The following NAV1 variants were observed in gnomAD, a reference collection of about 807,000 sequenced individuals.
The protein encoded by NAV1 is neuron navigator 1.
NAV1 carries 18 observed loss-of-function variants against 175.2 expected under a neutral mutation model. The ratio of observed to expected loss-of-function variants is 0.10; its 90% CI spans 0.07 to 0.15. The LOEUF is 0.15. Ranked by LOEUF, NAV1 falls within the 10% of genes least tolerant of loss-of-function variation. The probability of loss-of-function intolerance (pLI) is 1.00; values close to 1 mark genes in which losing one functional copy is unlikely to be tolerated. For missense variants in NAV1, 1,731 were observed against 2,436.6 expected (o/e 0.71, Z 6.10); for synonymous variants, 897 against 978.7 (o/e 0.92, Z 1.56).
chr1:201,720,323 C>T (rs1672328924), intron 3 of NAV1, among the ~76,000 whole-genome samples: 1 of 152,198 alleles, frequency 6.6e-6, no homozygotes, highest in South Asian at 2.1e-4. Flanking sequence ...GAAAGTCCCC[C>T]ATGTGTTAGA....
At chr1:201,691,352 A>G (rs895794786) in intron 1 of NAV1, among the ~76,000 whole-genome samples, 1 of 152,262 alleles carries the variant, frequency 6.6e-6, no homozygotes, top group African/African-American at 2.4e-5. Context: ...GAAGGACCAG[A>G]GAAGCCTCCC....
rs773568218 is a variant in NAV1, at chr1:201,783,760, C to G, written c.2712C>G (p.Val904=). 5 of 1,614,048 alleles carry G rather than the reference C, an allele frequency of 3.1e-6. No individual in the cohort carries two copies. In the South Asian group the frequency reaches 5.5e-5, roughly 18 times the overall value. The change falls in exon 7 of 30, where the codon GTC becomes GTG. Residue 904 remains valine, a synonymous_variant. Transcript: ENST00000367296. ...GTGCCTTCCCCAGCAGTACTCCCGTCCCCACCCCACCTGCTCCCCCTGCTG... is the reference window on the plus strand; with the variant it reads ...GTGCCTTCCCCAGCAGTACTCCCGTGCCCACCCCACCTGCTCCCCCTGCTG...
intron 3 of NAV1, among the ~76,000 whole-genome samples, chr1:201,747,630 G>A (rs1005935213): frequency 2.0e-5 from 3 of 152,136 alleles, no homozygotes; most frequent in Non-Finnish European, 1.5e-5. Context: ...TGCTTGAGTG[G>A]TTAATCAGAT....
chr1:201,695,450 C>T (rs1671150449), intron 1 of NAV1, among the ~76,000 whole-genome samples: 1 of 152,214 alleles, frequency 6.6e-6, no homozygotes, highest in Non-Finnish European at 1.5e-5. Flanking sequence ...AACTCCAACA[C>T]ATTTGACCAG....
intron 1 of NAV1, among the ~76,000 whole-genome samples, chr1:201,549,127 CTTTCT>C (rs1665764454): frequency 1.4e-5 from 2 of 144,556 alleles, no homozygotes; most frequent in Admixed American, 7.0e-5. Flanking sequence ...TTCTTTCTTT[CTTTCT>C]TTCTTTCTTT....
chr1:201,572,719 A>G (rs1353440498), intron 1 of NAV1, among the ~76,000 whole-genome samples: 1 of 152,116 alleles, frequency 6.6e-6, no homozygotes, highest in Non-Finnish European at 1.5e-5. Flanking sequence ...GGGGATAGGA[A>G]TGACTGTCTT....
rs928303928 is a variant in NAV1, at chr1:201,665,862, TA to T, written c.757+16447del. 2.4e-4 allele frequency among the ~76,000 whole-genome samples: 35 copies of T among 146,424 alleles called. 1 individual carries two copies. Among genetic ancestry groups the T allele is most frequent in the South Asian group, 6.6e-4 (3 of 4,554 alleles). On this transcript the variant is annotated intron_variant, in intron 1 of 29. Transcript: ENST00000367296. ...ATCTCTCAATTATCTGTGCTAGTGT[TA>T]AAAAAAAAAGCCATTCCATCTGCCT...
Position 201,823,363 on chromosome 1 carries a change from CGTGT to C in NAV1, c.*3458_*3461del, listed in dbSNP as rs4025040. The stretch of plus-strand genomic sequence containing the variant: ...AGGCTAATGTGGGACCTGATGTCTG[CGTGT>C]GTGTGTGTGTGTGTGTGTGTGTGTG... On this transcript the variant is annotated 3_prime_UTR_variant, in exon 30 of 30. Coordinates refer to ENST00000367296, the Ensembl canonical transcript of NAV1. 9.8e-3 allele frequency: 1,128 copies of C among 115,092 alleles called. 10 individuals carry two copies. Among genetic ancestry groups the C allele is most frequent in the African/African-American group, 0.028 (1,037 of 36,752 alleles). 7.1% of individuals were successfully genotyped at this position (115,092 alleles called of 1,614,324 possible).
chr1:201,793,769 A>G (rs753508956), intron 13 of NAV1, 23 bp from the exon 18 acceptor site: 9 of 1,609,830 alleles, frequency 5.6e-6, no homozygotes, highest in South Asian at 5.6e-5. Flanking sequence ...CAACTTAGCA[A>G]TCTCTTTCTG....
chr1:201,741,416 G>A (rs1196600435), intron 3 of NAV1, among the ~76,000 whole-genome samples: 1 of 152,174 alleles, frequency 6.6e-6, no homozygotes, highest in Non-Finnish European at 1.5e-5. Flanking sequence ...ACCAGTTTAT[G>A]AGCAGAGAAT....
rs542495725 is a variant in NAV1 at position 201,769,152 on chromosome 1, A to T, written c.1227-11269A>T. ...AATTTGAGTATCAGGGGCAAATGTC[A>T]TGAGATATCGCTGGCTGCAGAACCA... On this transcript the variant is annotated intron_variant, in intron 3 of 29. Transcript: ENST00000367296. 8.5e-5 allele frequency among the ~76,000 whole-genome samples: 13 copies of T among 152,356 alleles called. No individual in the cohort carries two copies. The South Asian group carries it at 2.7e-3, about 32-fold the overall frequency.
chr1:201,597,208 C>T (rs1440052807), intron 2 of NAV1, among the ~76,000 whole-genome samples: 2 of 152,134 alleles, frequency 1.3e-5, no homozygotes, highest in South Asian at 2.1e-4. Context: ...ACTGAGGAAG[C>T]GATCTTGTGA....
intron 3 of NAV1, among the ~76,000 whole-genome samples, chr1:201,720,775 T>C (rs1291542951): frequency 6.6e-6 from 1 of 152,264 alleles, no homozygotes; most frequent in Non-Finnish European, 1.5e-5. Flanking sequence ...GCTCACTAAA[T>C]GATAGCTATT....
chr1:201,556,320 A>G (rs1666009544), intron 1 of NAV1, among the ~76,000 whole-genome samples: 1 of 152,028 alleles, frequency 6.6e-6, no homozygotes, highest in Non-Finnish European at 1.5e-5. Context: ...CGGGAGGCTG[A>G]GGCAGGAGAC....
At chr1:201,648,731 C>T in exon 1 of NAV1, 2 of 1,415,014 alleles carry the variant, frequency 1.4e-6, no homozygotes, top group South Asian at 1.6e-5. Context: ...GCGGCGGCGA[C>T]GAGGGCGCGG....
chr1:201,568,396 C>T (rs955717702), intron 1 of NAV1, among the ~76,000 whole-genome samples: 1 of 152,190 alleles, frequency 6.6e-6, no homozygotes, highest in Non-Finnish European at 1.5e-5. Context: ...CCACTGCCAT[C>T]ACCGCTTCCC....
chr1:201,662,972 T>C (rs1156363632), intron 1 of NAV1, among the ~76,000 whole-genome samples: 1 of 92,706 alleles, frequency 1.1e-5, no homozygotes, highest in Non-Finnish European at 2.3e-5. Flanking sequence ...AAGTTTTCTA[T>C]GCCTCTTCAC....
At chr1:201,659,277 GC>G (rs1184818151) in intron 1 of NAV1, among the ~76,000 whole-genome samples, 1 of 152,238 alleles carries the variant, frequency 6.6e-6, no homozygotes, top group African/African-American at 2.4e-5. Flanking sequence ...TCCTGAAGGA[GC>G]CGGAAGTTGG....
chr1:201,569,639 C>A (rs796152085), intron 1 of NAV1, among the ~76,000 whole-genome samples: 7 of 152,342 alleles, frequency 4.6e-5, no homozygotes, highest in South Asian at 2.1e-4. Flanking sequence ...TACAGTGATT[C>A]TGGGAGTGCC....
Sources: gnomAD v4.1 joint callset for allele counts (sites outside exome capture counted in the v4.1 genomes callset) on GRCh38, gnomAD v4.1.1 for gene constraint, MANE v1.5 for transcripts, NCBI Gene and HGNC (gene_info 2026-07-23, HGNC 2026-07-21) for gene names.